The following IFT74 variants were observed in gnomAD, a reference collection of about 807,000 sequenced individuals.
IFT74 encodes intraflagellar transport 74, also known as intraflagellar transport protein 74 homolog.
A neutral mutation model predicts 96.7 loss-of-function variants in IFT74; 92 were observed. The observed-to-expected ratio is 0.95, with a 90% CI of 0.80 to 1.13. The LOEUF (loss-of-function observed/expected upper bound fraction) is 1.13, where lower values mean the gene tolerates loss of function less well. IFT74 is among the 50% of genes most tolerant of loss of function. The pLI, the probability that IFT74 is intolerant of heterozygous loss-of-function variation, is 0.00. For missense variants in IFT74, 811 were observed against 698.2 expected, an observed-to-expected ratio of 1.16 and a Z score of -1.82; for synonymous variants, 223 against 213.2, an observed-to-expected ratio of 1.05 and a Z score of -0.40.
At chr9:27,015,048 G>C (rs1387165297) in intron 10 of IFT74, among the ~76,000 whole-genome samples, 1 of 152,204 alleles carries the variant, frequency 6.6e-6, no homozygotes, top group African/African-American at 2.4e-5. Flanking sequence ...GTTCACAAGA[G>C]TGGAAAAAAT....
intron 2 of IFT74, among the ~76,000 whole-genome samples, chr9:26,965,594 G>A (rs935177622): frequency 2.0e-5 from 3 of 151,888 alleles, no homozygotes; most frequent in African/African-American, 7.3e-5. Context: ...GACATTTATT[G>A]GCCACCTACT....
chr9:27,045,539 A>G (rs893610015), intron 14 of IFT74, among the ~76,000 whole-genome samples: 7 of 152,110 alleles, frequency 4.6e-5, no homozygotes, highest in African/African-American at 1.7e-4. Flanking sequence ...CACCAGCTAT[A>G]ATTTTAGTTG....
intron 8 of IFT74, among the ~76,000 whole-genome samples, chr9:27,000,223 A>G (rs1291445910): frequency 6.6e-6 from 1 of 152,194 alleles, no homozygotes; most frequent in Non-Finnish European, 1.5e-5. Flanking sequence ...AGAGAAAATT[A>G]ATATTTTTAA....
chr9:27,022,418 G>T (rs1204936632), intron 12 of IFT74, among the ~76,000 whole-genome samples: 1 of 151,954 alleles, frequency 6.6e-6, no homozygotes, highest in Non-Finnish European at 1.5e-5. Flanking sequence ...ATTGCTTTTG[G>T]CAGTATGGTC....
rs540606063 is a variant in IFT74, at chr9:27,065,199, A to T, written c.*2463A>T. On this transcript the variant is annotated 3_prime_UTR_variant, in exon 20 of 20. Coordinates refer to ENST00000380062, the MANE Select transcript of IFT74 (RefSeq NM_025103.4). The stretch of plus-strand genomic sequence containing the variant: ...TCATATGTAATATTGGTGGGGGGCA[A>T]ATAATTGAGCAGGATTTCTTTAAAT... Among the ~76,000 whole-genome samples, 1 of 152,180 alleles carries T rather than the reference A, an allele frequency of 6.6e-6. No individual in the cohort carries two copies. The highest frequency in any genetic ancestry group is 2.4e-5 in the African/African-American group (1 of 41,446).
chr9:26,999,207 A>T (rs891854456), intron 8 of IFT74, among the ~76,000 whole-genome samples: 1 of 152,226 alleles, frequency 6.6e-6, no homozygotes, highest in South Asian at 2.1e-4. Flanking sequence ...GTTTTTACTG[A>T]ACAGTAAACT....
chr9:26,968,165 C>T (rs1459081803), intron 2 of IFT74, among the ~76,000 whole-genome samples: 3 of 149,482 alleles, frequency 2.0e-5, no homozygotes, highest in East Asian at 3.9e-4. Flanking sequence ...TTAGTAGGAT[C>T]AGTATTAGTT....
At chr9:26,959,594 A>T (rs1398382237) in intron 1 of IFT74, among the ~76,000 whole-genome samples, 2 of 152,216 alleles carry the variant, frequency 1.3e-5, no homozygotes, top group Admixed American at 1.3e-4. Flanking sequence ...GCCACAAAAA[A>T]GATGGGATCA....
chr9:26,962,208 G>C lies in IFT74; in HGVS notation c.120+121G>C. Reference sequence around the variant, plus strand: ...ACTGCACCCCAGTTTTTGAGTTTTTGAGACTGTCTCAAAAATCTGTTGAAT... The same window carrying C: ...ACTGCACCCCAGTTTTTGAGTTTTTCAGACTGTCTCAAAAATCTGTTGAAT... On this transcript the variant is annotated intron_variant, in intron 2 of 19. Coordinates refer to ENST00000380062, the MANE Select transcript of IFT74 (RefSeq NM_025103.4). 4 of 868,020 alleles carry C rather than the reference G, an allele frequency of 4.6e-6. No individual in the cohort carries two copies. In the East Asian group the frequency reaches 7.9e-5, roughly 17 times the overall value. 53.8% of individuals were successfully genotyped at this position (868,020 alleles called of 1,614,324 possible). A position where few individuals can be genotyped will look rare whatever the true frequency, so the allele number is the denominator to read the frequency against.
chr9:27,062,033 G>T (rs1205062880), intron 19 of IFT74, among the ~76,000 whole-genome samples: 2 of 152,112 alleles, frequency 1.3e-5, no homozygotes, highest in African/African-American at 4.8e-5. Context: ...TGACTCAGTG[G>T]CAGCATAGGT....
At chr9:26,980,468 G>T (rs1827321886) in intron 3 of IFT74, 103 bp from the exon 4 acceptor site, 2 of 758,920 alleles carry the variant, frequency 2.6e-6, no homozygotes, top group East Asian at 5.1e-5. Context: ...CATTCATGAA[G>T]ACTGTCTTGA....
At chr9:27,022,950 T>C (rs1829685598) in intron 12 of IFT74, among the ~76,000 whole-genome samples, 1 of 152,128 alleles carries the variant, frequency 6.6e-6, no homozygotes, top group Admixed American at 6.6e-5. Context: ...GTTCTTGATT[T>C]CTTTTCAGCT....
intron 1 of IFT74, among the ~76,000 whole-genome samples, chr9:26,958,868 T>G (rs948851722): frequency 6.6e-6 from 1 of 152,042 alleles, no homozygotes; most frequent in African/African-American, 2.4e-5. Flanking sequence ...GGATGGTATC[T>G]TAGAAAATGC....
intron 8 of IFT74, among the ~76,000 whole-genome samples, chr9:26,991,326 C>T (rs1029003834): frequency 4.6e-5 from 7 of 152,072 alleles, no homozygotes; most frequent in African/African-American, 1.7e-4. Context: ...TGGGTTCAAG[C>T]GATGTTGCCT....
chr9:27,009,305 T>TA, intron 9 of IFT74, 147 bp downstream of exon 9: 1 of 585,620 alleles, frequency 1.7e-6, no homozygotes, highest in Non-Finnish European at 2.9e-6. Flanking sequence ...ATCTGATTCA[T>TA]ACGTATATTC....
chr9:26,962,797 T>G (rs891605982), intron 2 of IFT74, among the ~76,000 whole-genome samples: 1 of 152,028 alleles, frequency 6.6e-6, no homozygotes, highest in Non-Finnish European at 1.5e-5. Context: ...AAAATATTTT[T>G]ATTATATATC....
rs193270535 is a variant in IFT74, at chr9:27,013,077, G to C, written c.789+1109G>C. On this transcript the variant is annotated intron_variant, in intron 10 of 19. Transcript: ENST00000380062. The stretch of plus-strand genomic sequence containing the variant: ...ACTACTGGAAAGACATTTATCAAGT[G>C]CTTACTGTATGCTTTTTTGAGCTGT... 3.4e-4 allele frequency among the ~76,000 whole-genome samples: 52 copies of C among 152,166 alleles called. 1 individual carries two copies. The East Asian group carries it at 0.01, about 29-fold the overall frequency.
chr9:26,994,706 T>C (rs907411282), intron 8 of IFT74: 1 of 152,624 alleles, frequency 6.6e-6, no homozygotes, highest in Admixed American at 6.5e-5. Context: ...TTGCTCTATC[T>C]ACTGAATAGA....
intron 1 of IFT74, among the ~76,000 whole-genome samples, chr9:26,958,423 G>T (rs1233235153): frequency 6.6e-6 from 1 of 152,172 alleles, no homozygotes; most frequent in East Asian, 1.9e-4. Context: ...CACTTAAGAG[G>T]CTGGTATAAT....
Sources: allele counts gnomAD v4.1 joint callset (sites outside exome capture counted in the v4.1 genomes callset), GRCh38; gene constraint gnomAD v4.1.1; transcripts MANE v1.5; gene names NCBI Gene and HGNC (gene_info 2026-07-23, HGNC 2026-07-21).